The following IL1RAPL1 variants were observed in gnomAD, a reference collection of about 807,000 sequenced individuals.
IL1RAPL1 encodes interleukin-1 receptor accessory protein-like 1.
A neutral mutation model predicts 48.4 loss-of-function variants in IL1RAPL1; 3 were observed. The ratio of observed to expected loss-of-function variants is 0.06; its 90% CI spans 0.03 to 0.16. The LOEUF (loss-of-function observed/expected upper bound fraction) is 0.16. Ranked by LOEUF, IL1RAPL1 falls within the 10% of genes least tolerant of loss-of-function variation. The pLI, the probability that IL1RAPL1 is intolerant of heterozygous loss-of-function variation, is 1.00. For missense variants in IL1RAPL1, 349 were observed against 530.6 expected (o/e 0.66, Z 3.36); for synonymous variants, 185 against 187.7 (o/e 0.99, Z 0.12).
At chrX:29,096,365 T>C (rs1344541905) in intron 2 of IL1RAPL1, among the ~76,000 whole-genome samples, 2 of 112,224 alleles carry the variant, frequency 1.8e-5, no homozygotes, top group Non-Finnish European at 3.8e-5. Flanking sequence ...AATTAGTCTA[T>C]GTATATTAAT....
intron 2 of IL1RAPL1, among the ~76,000 whole-genome samples, chrX:29,080,990 T>C (rs12008685): frequency 0.052 from 1,430 of 27,760 alleles, 24 homozygotes; most frequent in South Asian, 0.13. Flanking sequence ...CTTTCTTTCT[T>C]TCTTTCTCTC....
chrX:29,002,020 C>T (rs948265967), intron 2 of IL1RAPL1, among the ~76,000 whole-genome samples: 3 of 108,704 alleles, frequency 2.8e-5, no homozygotes, highest in South Asian at 8.1e-4. Flanking sequence ...CTCAGCCTCC[C>T]GAGTAGCTGG....
intron 2 of IL1RAPL1, among the ~76,000 whole-genome samples, chrX:29,054,883 A>G (rs1927177871): frequency 8.9e-6 from 1 of 112,082 alleles, no homozygotes; most frequent in Non-Finnish European, 1.9e-5. Context: ...AAAATGTAGA[A>G]TAGTACACAA....
intron 6 of IL1RAPL1, among the ~76,000 whole-genome samples, chrX:29,848,580 A>G (rs1364778108): frequency 1.8e-5 from 2 of 111,851 alleles, no homozygotes; most frequent in Non-Finnish European, 3.8e-5. Context: ...GGCCAAAGCA[A>G]CTAAATAGTT....
intron 1 of IL1RAPL1, among the ~76,000 whole-genome samples, chrX:28,722,599 A>G (rs1347206589): frequency 9.0e-6 from 1 of 111,338 alleles, no homozygotes; most frequent in Non-Finnish European, 1.9e-5. Context: ...CTCCTGCCCG[A>G]TTGCCCTGGC....
At chrX:29,350,191 T>TTATATA (rs397897010) in intron 3 of IL1RAPL1, among the ~76,000 whole-genome samples, 840 of 39,389 alleles carry the variant, frequency 0.021, 26 homozygotes, top group Non-Finnish European at 0.024. Context: ...TACTGTTATT[T>TTATATA]TATATATATA....
Position 29,918,565 on chromosome X carries a change from C to A in IL1RAPL1, c.911+969C>A, listed in dbSNP as rs752872667. Among the ~76,000 whole-genome samples, 5 of 107,985 alleles carry A rather than the reference C, an allele frequency of 4.6e-5. No individual in the cohort carries two copies. In the South Asian group the frequency reaches 1.6e-3, roughly 35 times the overall value. 93.8% of individuals were successfully genotyped at this position (107,985 alleles called of 115,157 possible). A position where few individuals can be genotyped will look rare whatever the true frequency, so the allele number is the denominator to read the frequency against. On this transcript the variant is annotated intron_variant, in intron 7 of 10. Coordinates refer to ENST00000378993, the MANE Select transcript of IL1RAPL1 (RefSeq NM_014271.4). ...CATTAACAAGGTACAGGGACTCAAG[C>A]AAACACAATCTCTGTCATTTCCTGC...
chrX:29,633,493 A>T (rs1924859060), intron 5 of IL1RAPL1, among the ~76,000 whole-genome samples: 1 of 109,863 alleles, frequency 9.1e-6, no homozygotes, highest in African/African-American at 3.3e-5. Flanking sequence ...ACACACACAC[A>T]CACACACACA....
chrX:29,664,218 C>T (rs774245073), intron 5 of IL1RAPL1, among the ~76,000 whole-genome samples: 39 of 110,954 alleles, frequency 3.5e-4, no homozygotes, highest in Admixed American at 1.5e-3. Context: ...GCCTGACTAA[C>T]GCGGTGAAAC....
chrX:29,262,286 A>C (rs2147584106), intron 2 of IL1RAPL1, among the ~76,000 whole-genome samples: 1 of 112,348 alleles, frequency 8.9e-6, no homozygotes, highest in Non-Finnish European at 1.9e-5. Context: ...ATTTTGTGAT[A>C]TAAATAAGTA....
intron 2 of IL1RAPL1, among the ~76,000 whole-genome samples, chrX:28,963,944 A>G (rs926061708): frequency 9.1e-6 from 1 of 110,124 alleles, no homozygotes; most frequent in African/African-American, 3.3e-5. Flanking sequence ...ATTCTACTCA[A>G]TTTTCTCTGT....
intron 2 of IL1RAPL1, among the ~76,000 whole-genome samples, chrX:29,085,783 T>A (rs778051868): frequency 5.4e-5 from 6 of 112,014 alleles, no homozygotes; most frequent in African/African-American, 1.9e-4. Flanking sequence ...ACATGGCTAG[T>A]GAACTACAAT....
intron 2 of IL1RAPL1, among the ~76,000 whole-genome samples, chrX:29,249,802 A>G (rs1931574732): frequency 1.8e-5 from 2 of 111,651 alleles, no homozygotes; most frequent in African/African-American, 3.3e-5. Context: ...CAAAGCCCCA[A>G]TGGCCTAATT....
intron 6 of IL1RAPL1, among the ~76,000 whole-genome samples, chrX:29,896,630 C>G (rs772995090): frequency 8.9e-6 from 1 of 112,588 alleles, no homozygotes; most frequent in East Asian, 2.8e-4. Flanking sequence ...GGGAAGATCA[C>G]AAGCAGGCTT....
At chrX:29,353,790 A>T (rs1933265116) in intron 3 of IL1RAPL1, among the ~76,000 whole-genome samples, 1 of 108,116 alleles carries the variant, frequency 9.2e-6, no homozygotes, top group South Asian at 3.9e-4. Context: ...GTTTAAAAAT[A>T]TATATAGTTC....
intron 2 of IL1RAPL1, among the ~76,000 whole-genome samples, chrX:28,876,764 A>AAC (rs1409941950): frequency 2.7e-5 from 3 of 110,851 alleles, no homozygotes; most frequent in Non-Finnish European, 5.7e-5. Flanking sequence ...GAAAAAAAAA[A>AAC]AACTAACAAC....
At chrX:29,129,485 T>C (rs889836270) in intron 2 of IL1RAPL1, among the ~76,000 whole-genome samples, 13 of 111,676 alleles carry the variant, frequency 1.2e-4, no homozygotes, top group Admixed American at 3.8e-4. Context: ...AAAGGATATG[T>C]ATAACAAAAT....
chrX:28,667,132 A>T, intron 1 of IL1RAPL1, among the ~76,000 whole-genome samples: 1 of 112,002 alleles, frequency 8.9e-6, no homozygotes, highest in Non-Finnish European at 1.9e-5. Flanking sequence ...TTTAAAAAAA[A>T]TTCCAAGCAA....
intron 3 of IL1RAPL1, among the ~76,000 whole-genome samples, chrX:29,338,111 A>G (rs933710198): frequency 2.7e-5 from 3 of 111,984 alleles, no homozygotes; most frequent in African/African-American, 9.7e-5. Context: ...TGGCTTCATC[A>G]ATTAACACTA....
Sources: allele counts gnomAD v4.1 joint callset (sites outside exome capture counted in the v4.1 genomes callset), GRCh38; gene constraint gnomAD v4.1.1; transcripts MANE v1.5; gene names NCBI Gene and HGNC (gene_info 2026-07-23, HGNC 2026-07-21).